EXOC4: variants seen among roughly 807,000 people sequenced by gnomAD.
The protein encoded by EXOC4 is SEC8-like 1.
A neutral mutation model predicts 107.2 loss-of-function variants in EXOC4; 71 were observed. The ratio of observed to expected loss-of-function variants is 0.66; its 90% CI spans 0.55 to 0.81. The LOEUF is 0.81. Ranked by LOEUF, EXOC4 falls within the 30% of genes least tolerant of loss-of-function variation. The pLI is 0.00. For missense variants in EXOC4, 1,108 were observed against 1,189.6 expected (o/e 0.93, Z 1.01); for synonymous variants, 456 against 441.2 (o/e 1.03, Z -0.42).
intron 9 of EXOC4, among the ~76,000 whole-genome samples, chr7:133,617,267 T>G (rs76213917): frequency 0.032 from 4,938 of 152,156 alleles, 264 homozygotes; most frequent in African/African-American, 0.11. Context: ...TATATCTGAG[T>G]AGAATCCAAA....
intron 17 of EXOC4, among the ~76,000 whole-genome samples, chr7:134,035,238 T>C (rs545046054): frequency 5.1e-4 from 77 of 151,670 alleles, no homozygotes; most frequent in Non-Finnish European, 8.2e-4. Context: ...AGAGACAGGG[T>C]TTCTGTCTGT....
intron 6 of EXOC4, among the ~76,000 whole-genome samples, chr7:133,357,895 A>G (rs1796057072): frequency 6.6e-6 from 1 of 152,162 alleles, no homozygotes; most frequent in Admixed American, 6.6e-5. Context: ...AATGTTTCAA[A>G]GTAAATATTT....
intron 2 of EXOC4, among the ~76,000 whole-genome samples, chr7:133,277,750 G>C (rs757496179): frequency 1.4e-4 from 21 of 152,136 alleles, no homozygotes; most frequent in Admixed American, 3.3e-4. Flanking sequence ...TTTAATAATT[G>C]ATTAATGGGA....
chr7:133,356,733 C>G (rs1470063400), intron 6 of EXOC4, among the ~76,000 whole-genome samples, 160 bp downstream of exon 6: 5 of 152,174 alleles, frequency 3.3e-5, no homozygotes, highest in African/African-American at 1.2e-4. Context: ...GTTATCCCAG[C>G]ACTTTGGGAG....
intron 10 of EXOC4, among the ~76,000 whole-genome samples, chr7:133,716,827 C>G (rs1463141042): frequency 2.0e-5 from 3 of 152,172 alleles, no homozygotes; most frequent in Non-Finnish European, 4.4e-5. Context: ...GTATTCCAAG[C>G]TACTCGGGAG....
intron 7 of EXOC4, among the ~76,000 whole-genome samples, chr7:133,449,370 T>C (rs1264943793): frequency 6.6e-6 from 1 of 152,174 alleles, no homozygotes; most frequent in Non-Finnish European, 1.5e-5. Flanking sequence ...TCTATTGTTT[T>C]AAGCCACCCA....
the EXOC4 span, among the ~76,000 whole-genome samples, chr7:134,100,146 C>T: frequency 0.028 from 4,213 of 152,146 alleles, 202 homozygotes; most frequent in African/African-American, 0.09. Flanking sequence ...CAGCCATGAA[C>T]CTTGTTAATG....
chr7:133,637,461 G>T (rs562386245), intron 10 of EXOC4, among the ~76,000 whole-genome samples: 2 of 152,264 alleles, frequency 1.3e-5, no homozygotes, highest in East Asian at 3.9e-4. Flanking sequence ...TTATACAGAT[G>T]CATGTTTGTT....
chr7:133,758,323 G>C (rs1795960557), intron 10 of EXOC4, among the ~76,000 whole-genome samples: 1 of 152,098 alleles, frequency 6.6e-6, no homozygotes, highest in Non-Finnish European at 1.5e-5. Context: ...ATTTTTAATA[G>C]AGATGGGGTT....
chr7:133,356,191 G>A, intron 5 of EXOC4, 139 bp from the exon 6 acceptor site: 1 of 842,116 alleles, frequency 1.2e-6, no homozygotes, highest in Non-Finnish European at 1.8e-6. Flanking sequence ...TGGTTACTGT[G>A]CAAATATAAT....
chr7:133,592,119 T>C (rs1408958477), intron 9 of EXOC4, among the ~76,000 whole-genome samples: 1 of 152,140 alleles, frequency 6.6e-6, no homozygotes, highest in Non-Finnish European at 1.5e-5. Flanking sequence ...TGGAGTGCAG[T>C]GACATGATCA....
intron 10 of EXOC4, among the ~76,000 whole-genome samples, chr7:133,710,319 T>G (rs530400163): frequency 6.6e-6 from 1 of 152,288 alleles, no homozygotes; most frequent in African/African-American, 2.4e-5. Flanking sequence ...AATGGGGATT[T>G]CACTCAGTGA....
chr7:133,608,138 AT>A (rs1489735697), intron 9 of EXOC4, among the ~76,000 whole-genome samples: 3 of 152,204 alleles, frequency 2.0e-5, no homozygotes, highest in Non-Finnish European at 4.4e-5. Context: ...ATTCTGGGAT[AT>A]TGGTTTAATA....
At chr7:133,815,233 T>C (rs906546105) in intron 10 of EXOC4, among the ~76,000 whole-genome samples, 14 of 151,802 alleles carry the variant, frequency 9.2e-5, no homozygotes, top group South Asian at 2.1e-4. Flanking sequence ...AGAAAAAAAT[T>C]AGCTGGGCGT....
At chr7:133,374,468 T>C (rs1283889484) in intron 6 of EXOC4, among the ~76,000 whole-genome samples, 4 of 152,218 alleles carry the variant, frequency 2.6e-5, no homozygotes, top group Non-Finnish European at 5.9e-5. Flanking sequence ...AAAAATTACA[T>C]GAATTCCTTG....
At chr7:133,607,138 G>A (rs760239069) in intron 9 of EXOC4, among the ~76,000 whole-genome samples, 1 of 152,198 alleles carries the variant, frequency 6.6e-6, no homozygotes, top group Non-Finnish European at 1.5e-5. Context: ...GTTTTTCTGA[G>A]ACACTAGTAA....
intron 17 of EXOC4, among the ~76,000 whole-genome samples, chr7:134,015,988 G>A (rs1039567558): frequency 6.6e-6 from 1 of 152,076 alleles, no homozygotes; most frequent in Non-Finnish European, 1.5e-5. Context: ...GCTAAAATTG[G>A]CAGGTCTTGG....
At chr7:133,514,102 C>G (rs1180115729) in intron 9 of EXOC4, among the ~76,000 whole-genome samples, 4 of 151,580 alleles carry the variant, frequency 2.6e-5, no homozygotes, top group Non-Finnish European at 5.9e-5. Flanking sequence ...TATTTTATTT[C>G]TATTGTGTAA....
At chr7:133,726,931 T>A (rs1201311855) in intron 10 of EXOC4, among the ~76,000 whole-genome samples, 3 of 152,216 alleles carry the variant, frequency 2.0e-5, no homozygotes, top group African/African-American at 7.2e-5. Flanking sequence ...AGTTTTTTAT[T>A]TACGAACCTG....
Sources: allele counts gnomAD v4.1 joint callset (sites outside exome capture counted in the v4.1 genomes callset), GRCh38; gene constraint gnomAD v4.1.1; transcripts MANE v1.5; gene names NCBI Gene and HGNC (gene_info 2026-07-23, HGNC 2026-07-21).